The following STXBP5L variants were observed in gnomAD, a reference collection of about 807,000 sequenced individuals.
The protein encoded by STXBP5L is syntaxin-binding protein 5-like.
STXBP5L carries 65 observed loss-of-function variants against 144.5 expected under a neutral mutation model. That is an observed-to-expected ratio of 0.45 (90% confidence interval 0.37 to 0.55). The LOEUF is 0.55. Ranked by LOEUF, STXBP5L falls within the 20% of genes least tolerant of loss-of-function variation. The pLI, the probability that STXBP5L is intolerant of heterozygous loss-of-function variation, is 0.00. For synonymous variants in STXBP5L, 505 were observed against 469.6 expected (o/e 1.08, Z -0.97); for missense variants, 1,298 against 1,405.5 (o/e 0.92, Z 1.22).
At chr3:121,412,224 G>C (rs1331764148) in intron 23 of STXBP5L, among the ~76,000 whole-genome samples, 1 of 152,096 alleles carries the variant, frequency 6.6e-6, no homozygotes, top group African/African-American at 2.4e-5. Context: ...CAGGAAACCA[G>C]GGTCTTCCTG....
chr3:121,002,997 A>G (rs1189132104), intron 3 of STXBP5L, among the ~76,000 whole-genome samples: 1 of 152,136 alleles, frequency 6.6e-6, no homozygotes, highest in Non-Finnish European at 1.5e-5. Flanking sequence ...GCTATTGTGA[A>G]TAGTGCCTCA....
intron 3 of STXBP5L, among the ~76,000 whole-genome samples, chr3:121,013,659 G>A (rs947154753): frequency 2.0e-5 from 3 of 151,882 alleles, no homozygotes; most frequent in African/African-American, 4.8e-5. Context: ...CTGTATGGAA[G>A]GTTTTAGTTC....
intron 19 of STXBP5L, among the ~76,000 whole-genome samples, chr3:121,289,106 A>G (rs1334764375): frequency 3.3e-5 from 5 of 152,200 alleles, no homozygotes; most frequent in African/African-American, 2.4e-5. Context: ...TTCCCCTTCA[A>G]GAGACTCCCC....
chr3:120,983,316 GTC>G (rs1941979418), intron 3 of STXBP5L, among the ~76,000 whole-genome samples: 2 of 152,246 alleles, frequency 1.3e-5, no homozygotes, highest in Admixed American at 1.3e-4. Flanking sequence ...CGGGGCAGGC[GTC>G]TCTCAGTGGG....
At chr3:121,297,833 G>T (rs575966438) in intron 19 of STXBP5L, among the ~76,000 whole-genome samples, 24 of 152,092 alleles carry the variant, frequency 1.6e-4, no homozygotes, top group Non-Finnish European at 3.4e-4. Flanking sequence ...AAAGTGAAAC[G>T]CTGAAAAAGA....
At position 121,194,614 on chromosome 3, in the gene STXBP5L, G is replaced by GT. The variant is rs932519116; in HGVS notation, c.878-11301dup. ...GTTGGGAAGTGTTTCCTCCTCTTCT[G>GT]TTTTTTTTGGAGGGTTTGTGAAAAA... On this transcript the variant is annotated intron_variant, in intron 9 of 26. Coordinates refer to ENST00000471454, the MANE Select transcript of STXBP5L (RefSeq NM_001308330.2). Among the ~76,000 whole-genome samples the GT allele has an allele frequency of 1.3e-4, 19 of 151,626 alleles. No homozygotes were observed. The East Asian group carries it at 1.7e-3, about 14-fold the overall frequency.
chr3:121,152,195 T>C (rs1198584144), intron 7 of STXBP5L, among the ~76,000 whole-genome samples: 1 of 152,036 alleles, frequency 6.6e-6, no homozygotes, highest in Non-Finnish European at 1.5e-5. Context: ...TATCCCATTT[T>C]TCTTTTCTTC....
At chr3:121,315,568 G>T (rs1245125000) in intron 19 of STXBP5L, among the ~76,000 whole-genome samples, 1 of 151,466 alleles carries the variant, frequency 6.6e-6, no homozygotes, top group Admixed American at 6.6e-5. Context: ...TACCAGCATG[G>T]CACATGTATA....
chr3:121,285,521 G>A (rs770310329), intron 19 of STXBP5L, among the ~76,000 whole-genome samples: 11 of 151,926 alleles, frequency 7.2e-5, no homozygotes, highest in Non-Finnish European at 1.0e-4. Context: ...TATTCCATAG[G>A]TTAGGCTCCA....
chr3:121,370,953 T>C (rs1403454196), intron 20 of STXBP5L, among the ~76,000 whole-genome samples: 1 of 152,232 alleles, frequency 6.6e-6, no homozygotes, highest in Non-Finnish European at 1.5e-5. Flanking sequence ...GTTTCAACAT[T>C]CTTCTGAATC....
intron 2 of STXBP5L, among the ~76,000 whole-genome samples, chr3:120,945,975 G>A (rs907810889): frequency 2.6e-5 from 4 of 151,744 alleles, no homozygotes; most frequent in Non-Finnish European, 5.9e-5. Flanking sequence ...TCTGGTATCT[G>A]CAACTTTCAC....
chr3:121,279,474 C>A (rs937598445), intron 18 of STXBP5L, among the ~76,000 whole-genome samples: 10 of 151,820 alleles, frequency 6.6e-5, no homozygotes, highest in African/African-American at 2.4e-4. Context: ...ACCTATCTCC[C>A]CCTTGCATAG....
chr3:121,137,241 A>G (rs1420791828), intron 7 of STXBP5L, among the ~76,000 whole-genome samples: 2 of 142,834 alleles, frequency 1.4e-5, no homozygotes, highest in African/African-American at 5.2e-5. Flanking sequence ...AAAAGTTGAA[A>G]AGAATAAAAA....
chr3:121,197,244 T>A (rs1296949759), intron 9 of STXBP5L, among the ~76,000 whole-genome samples: 5 of 152,182 alleles, frequency 3.3e-5, no homozygotes, highest in African/African-American at 1.2e-4. Flanking sequence ...GTATCTTTGA[T>A]CAAAGCGTGT....
chr3:121,172,381 C>T (rs757720468), intron 9 of STXBP5L, among the ~76,000 whole-genome samples: 2 of 152,132 alleles, frequency 1.3e-5, no homozygotes. Context: ...AAGAAACTAC[C>T]ATCAGAGTGG....
At chr3:121,004,692 A>C (rs1309356148) in intron 3 of STXBP5L, among the ~76,000 whole-genome samples, 1 of 152,160 alleles carries the variant, frequency 6.6e-6, no homozygotes, top group Non-Finnish European at 1.5e-5. Context: ...TGGGTTTGTC[A>C]TAGATAGCTC....
At chr3:121,375,710 A>G (rs2046161727) in intron 20 of STXBP5L, among the ~76,000 whole-genome samples, 2 of 152,176 alleles carry the variant, frequency 1.3e-5, no homozygotes, top group Admixed American at 1.3e-4. Flanking sequence ...TCATCTTTGC[A>G]CTATCTGCAA....
At chr3:120,911,149 G>T (rs1454908286) in intron 2 of STXBP5L, among the ~76,000 whole-genome samples, 17 of 152,030 alleles carry the variant, frequency 1.1e-4, no homozygotes, top group Admixed American at 1.1e-3. Context: ...TTTACCAGAG[G>T]TAAAACTGGT....
At chr3:121,091,328 G>A (rs1015691003) in intron 5 of STXBP5L, among the ~76,000 whole-genome samples, 1 of 147,718 alleles carries the variant, frequency 6.8e-6, no homozygotes, top group Non-Finnish European at 1.5e-5. Context: ...GGTATTTCTA[G>A]TTTTAGAACC....
Sources: allele counts gnomAD v4.1 joint callset (sites outside exome capture counted in the v4.1 genomes callset), GRCh38; gene constraint gnomAD v4.1.1; transcripts MANE v1.5; gene names NCBI Gene and HGNC (gene_info 2026-07-23, HGNC 2026-07-21).